SERP1: variants seen among roughly 807,000 people sequenced by gnomAD.
SERP1 encodes the protein stress-associated endoplasmic reticulum protein 1.
Under a neutral mutation model 8.8 loss-of-function variants are expected in SERP1, and 6 were observed. The ratio of observed to expected loss-of-function variants is 0.68; its 90% confidence interval spans 0.37 to 1.35. SERP1 has a LOEUF of 1.35. Ranked by LOEUF, SERP1 falls within the 40% of genes most tolerant of loss-of-function variation. The pLI is 0.02. For synonymous variants in SERP1, 36 were observed against 28.7 expected (o/e 1.25, Z -0.81); for missense variants, 52 against 86.2 (o/e 0.60, Z 1.57).
rs1397253342 is a variant in SERP1, at chr3:150,546,215, C to A, written c.-80G>T. The A allele has an allele frequency of 1.1e-5, 17 of 1,522,058 alleles. No individual in the cohort carries two copies. The highest frequency in any genetic ancestry group is 3.4e-5 in the South Asian group (3 of 89,090). The allele number at this position is 1,522,058 out of a possible 1,614,324, so 94.3% of individuals were successfully genotyped here. ...CCTCCTCTGGAGCCGCTGCGAGGCTCGGCTCGTGGTGCCCGCGCCGCCGGA... is the reference window on the plus strand; with the variant it reads ...CCTCCTCTGGAGCCGCTGCGAGGCTAGGCTCGTGGTGCCCGCGCCGCCGGA... On this transcript the variant is annotated 5_prime_UTR_variant, in exon 1 of 3. Transcript: ENST00000239944.
chr3:150,543,421 GC>G lies in SERP1; in HGVS notation c.*1036del, dbSNP rs1722918950. 6.6e-6 allele frequency: 1 copy of G among 152,554 alleles called. No homozygotes were observed. The highest frequency in any genetic ancestry group is 1.5e-5 in the Non-Finnish European group (1 of 68,004). The allele number at this position is 152,554 out of a possible 1,614,324, so 9.5% of individuals were successfully genotyped here. The stretch of plus-strand genomic sequence containing the variant: ...CATTCAATTCCAGATGCCACTTTAG[GC>G]TGATGTGTCTAGTACCCTAATGATT... On this transcript the variant is annotated 3_prime_UTR_variant, in exon 3 of 3. Coordinates refer to ENST00000239944, the MANE Select transcript of SERP1 (RefSeq NM_014445.4).
At chr3:150,545,997 G>C (rs1048804245) in intron 1 of SERP1, 55 bp downstream of exon 1, 1 of 1,602,596 alleles carries the variant, frequency 6.2e-7, no homozygotes, top group African/African-American at 1.3e-5. Flanking sequence ...CGGCCCCAGG[G>C]ACCCGGACTC....
Position 150,542,130 on chromosome 3 carries a change from T to C in SERP1, c.*2328A>G, listed in dbSNP as rs940658462. The C allele has an allele frequency of 6.6e-6, 1 of 152,228 alleles. No homozygotes were observed. The highest frequency in any genetic ancestry group is 2.4e-5 in the African/African-American group (1 of 41,460). The allele number at this position is 152,228 out of a possible 1,614,324, so 9.4% of individuals were successfully genotyped here. ...TATACAACCCAACAGATACAATTAA[T>C]TGACAACTTGTTGAAATGTTAGAGT... On this transcript the variant is annotated 3_prime_UTR_variant, in exon 3 of 3. Transcript: ENST00000239944.
chr3:150,544,604 T>C, intron 2 of SERP1, 106 bp from the exon 3 acceptor site: 1 of 839,948 alleles, frequency 1.2e-6, no homozygotes, highest in Non-Finnish European at 1.9e-6. Flanking sequence ...TACTCTTACA[T>C]TTGCAAATGG....
rs1387129146 is a variant in SERP1, at chr3:150,543,310, A to G, written c.*1148T>C. The G allele has an allele frequency of 6.6e-6, 1 of 152,526 alleles. No homozygotes were observed. Among genetic ancestry groups the G allele is most frequent in the African/African-American group, 2.4e-5 (1 of 41,434 alleles). 9.4% of individuals were successfully genotyped at this position (152,526 alleles called of 1,614,324 possible). A position where few individuals can be genotyped will look rare whatever the true frequency, so the allele number is the denominator to read the frequency against. ...CTGCCCTATGACCCTCACCCTTACCATTAGTAAAACGTAAATTTGATCAAT... is the reference window on the plus strand; with the variant it reads ...CTGCCCTATGACCCTCACCCTTACCGTTAGTAAAACGTAAATTTGATCAAT... On this transcript the variant is annotated 3_prime_UTR_variant, in exon 3 of 3. Coordinates refer to ENST00000239944, the MANE Select transcript of SERP1 (RefSeq NM_014445.4).
rs992209676 is a variant in SERP1, at chr3:150,542,969, T to G, written c.*1489A>C. ...GGCCCAAGGTCAGTTGATTCATTCC[T>G]TATTCCAGAATAGTTAAGTTCCTGA... On this transcript the variant is annotated 3_prime_UTR_variant, in exon 3 of 3. Transcript: ENST00000239944. The G allele has an allele frequency of 6.6e-6, 1 of 152,572 alleles. No individual in the cohort carries two copies. Among genetic ancestry groups the G allele is most frequent in the Non-Finnish European group, 1.5e-5 (1 of 68,020 alleles). The allele number at this position is 152,572 out of a possible 1,614,324, so 9.5% of individuals were successfully genotyped here. A position where few individuals can be genotyped will look rare whatever the true frequency, so the allele number is the denominator to read the frequency against.
In SERP1 at chr3:150,542,648, A is replaced by ATT. The variant is rs3086794; in HGVS notation, c.*1808_*1809dup. 0.17 allele frequency: 26,657 copies of ATT among 152,488 alleles called. 2,475 individuals carry two copies. The highest frequency in any genetic ancestry group is 0.24 in the African/African-American group (10,035 of 41,504). 9.4% of individuals were successfully genotyped at this position (152,488 alleles called of 1,614,324 possible). On this transcript the variant is annotated 3_prime_UTR_variant, in exon 3 of 3. Transcript: ENST00000239944. ...ACACATGAAATACAAAGGGAATGCA[A>ATT]TTTTACATATGTAAAATGATTGCTA...
At position 150,544,514 on chromosome 3, in the gene SERP1, G is replaced by C; in HGVS notation, c.161-16C>G. 1.2e-6 allele frequency: 2 copies of C among 1,601,830 alleles called. No individual in the cohort carries two copies. The highest frequency in any genetic ancestry group is 1.1e-5 in the South Asian group (1 of 90,498). ...TGGAAAATTGCTGTAAAAAGAAAGA[G>C]CAAATATTAAAATAAGCTTTGAATA... On this transcript the variant is annotated splice_polypyrimidine_tract_variant and intron_variant, in intron 2 of 2. Transcript: ENST00000239944.
intron 1 of SERP1, 38 bp downstream of exon 1, chr3:150,546,014 G>A: frequency 6.2e-7 from 1 of 1,610,502 alleles, no homozygotes; most frequent in South Asian, 1.1e-5. Context: ...ACTCAGCTCC[G>A]GCTGCGGAAC....
chr3:150,544,337 T>C lies in SERP1; in HGVS notation c.*121A>G, dbSNP rs907403388. The C allele has an allele frequency of 1.1e-5, 10 of 914,376 alleles. No individual in the cohort carries two copies. The highest frequency in any genetic ancestry group is 2.4e-5 in the East Asian group (1 of 41,430). 56.6% of individuals were successfully genotyped at this position (914,376 alleles called of 1,614,324 possible). A position where few individuals can be genotyped will look rare whatever the true frequency, so the allele number is the denominator to read the frequency against. ...CCTTGGAATGACACATGAAGCATGA[T>C]AGGAAAGTCATTCTGAGGCAGGATG... On this transcript the variant is annotated 3_prime_UTR_variant, in exon 3 of 3. Coordinates refer to ENST00000239944, the MANE Select transcript of SERP1 (RefSeq NM_014445.4).
Position 150,543,452 on chromosome 3 carries a change from A to G in SERP1, c.*1006T>C, listed in dbSNP as rs540726229. Reference sequence around the variant, plus strand: ...GTGTCTAGTACCCTAATGATTGAAAAATCATTAATCTAGAAAAAGCATTTG... The same window carrying G: ...GTGTCTAGTACCCTAATGATTGAAAGATCATTAATCTAGAAAAAGCATTTG... On this transcript the variant is annotated 3_prime_UTR_variant, in exon 3 of 3. Coordinates refer to ENST00000239944, the MANE Select transcript of SERP1 (RefSeq NM_014445.4). 1 of 152,732 alleles carries G rather than the reference A, an allele frequency of 6.5e-6. No homozygotes were observed. Among genetic ancestry groups the G allele is most frequent in the South Asian group, 2.1e-4 (1 of 4,822 alleles). The allele number at this position is 152,732 out of a possible 1,614,324, so 9.5% of individuals were successfully genotyped here. A position where few individuals can be genotyped will look rare whatever the true frequency, so the allele number is the denominator to read the frequency against.
chr3:150,545,923 C>T, intron 1 of SERP1, 129 bp downstream of exon 1: 1 of 1,389,992 alleles, frequency 7.2e-7, no homozygotes, highest in Non-Finnish European at 9.9e-7. Flanking sequence ...GGTTCGCAGA[C>T]TCGGGCCCCT....
Position 150,544,412 on chromosome 3 carries a change from A to C in SERP1, c.*46T>G. The C allele has an allele frequency of 6.5e-7, 1 of 1,550,254 alleles. No homozygotes were observed. The highest frequency in any genetic ancestry group is 2.2e-5 in the East Asian group (1 of 44,486). ...GGTATCAAACATCAGGAATGAGTTC[A>C]AGTTAAAATTCACAGGAGAATGGAA... On this transcript the variant is annotated 3_prime_UTR_variant, in exon 3 of 3. Transcript: ENST00000239944.
At position 150,542,904 on chromosome 3, in the gene SERP1, G is replaced by A. The variant is rs1722903187; in HGVS notation, c.*1554C>T. 5 of 152,580 alleles carry A rather than the reference G, an allele frequency of 3.3e-5. No homozygotes were observed. The South Asian group carries it at 1.0e-3, about 32-fold the overall frequency. 9.5% of individuals were successfully genotyped at this position (152,580 alleles called of 1,614,324 possible). A position where few individuals can be genotyped will look rare whatever the true frequency, so the allele number is the denominator to read the frequency against. On this transcript the variant is annotated 3_prime_UTR_variant, in exon 3 of 3. Coordinates refer to ENST00000239944, the MANE Select transcript of SERP1 (RefSeq NM_014445.4). ...AAACAAGTACAGAGACTGATTAACT[G>A]GGTGAGAAAGGCAAGTAACAATTTA...
rs1722921195 is a variant in SERP1 at position 150,543,522 on chromosome 3, T to C, written c.*936A>G. 1.3e-5 allele frequency: 2 copies of C among 152,626 alleles called. No homozygotes were observed. Among genetic ancestry groups the C allele is most frequent in the Non-Finnish European group, 2.9e-5 (2 of 68,026 alleles). 9.5% of individuals were successfully genotyped at this position (152,626 alleles called of 1,614,324 possible). A position where few individuals can be genotyped will look rare whatever the true frequency, so the allele number is the denominator to read the frequency against. On this transcript the variant is annotated 3_prime_UTR_variant, in exon 3 of 3. Coordinates refer to ENST00000239944, the MANE Select transcript of SERP1 (RefSeq NM_014445.4). ...CAGTTGATGTGCCTTTTTTTGCTATTAAAAGTGCTATTTAACATGCTAAAA... is the reference window on the plus strand; with the variant it reads ...CAGTTGATGTGCCTTTTTTTGCTATCAAAAGTGCTATTTAACATGCTAAAA...
chr3:150,545,821 C>A, intron 1 of SERP1, 43 bp from the exon 2 acceptor site: 1 of 1,562,762 alleles, frequency 6.4e-7, no homozygotes, highest in Non-Finnish European at 8.7e-7. Context: ...AGAGAAACCA[C>A]TCGGACCCCA....
At position 150,545,456 on chromosome 3, in the gene SERP1, T is replaced by G. The variant is rs528897161; in HGVS notation, c.160+247A>C. On this transcript the variant is annotated intron_variant, in intron 2 of 2. Transcript: ENST00000239944. The stretch of plus-strand genomic sequence containing the variant: ...CTTAACATTTATTCCAACTGGATCA[T>G]TACCAAGACCTGACCTCCTTTTTGA... The G allele has an allele frequency of 4.6e-5, 23 of 504,872 alleles. No individual in the cohort carries two copies. In the South Asian group the frequency reaches 7.4e-4, roughly 16 times the overall value. The allele number at this position is 504,872 out of a possible 1,614,324, so 31.3% of individuals were successfully genotyped here.
rs1722893273 is a variant in SERP1 at position 150,542,368 on chromosome 3, C to T, written c.*2090G>A. 6.6e-6 allele frequency: 1 copy of T among 152,180 alleles called. No individual in the cohort carries two copies. The highest frequency in any genetic ancestry group is 6.5e-5 in the Admixed American group (1 of 15,286). The allele number at this position is 152,180 out of a possible 1,614,324, so 9.4% of individuals were successfully genotyped here. A position where few individuals can be genotyped will look rare whatever the true frequency, so the allele number is the denominator to read the frequency against. Reference sequence around the variant, plus strand: ...GCTTTCTATATATTTTTCTTACCACCTATTTCCAGTTATAAACCTTACATC... The same window carrying T: ...GCTTTCTATATATTTTTCTTACCACTTATTTCCAGTTATAAACCTTACATC... On this transcript the variant is annotated 3_prime_UTR_variant, in exon 3 of 3. Transcript: ENST00000239944.
In SERP1 at chr3:150,543,991, G is replaced by T. The variant is rs1427474104; in HGVS notation, c.*467C>A. 1 of 153,450 alleles carries T rather than the reference G, an allele frequency of 6.5e-6. No individual in the cohort carries two copies. Among genetic ancestry groups the T allele is most frequent in the African/African-American group, 2.4e-5 (1 of 41,462 alleles). 9.5% of individuals were successfully genotyped at this position (153,450 alleles called of 1,614,324 possible). On this transcript the variant is annotated 3_prime_UTR_variant, in exon 3 of 3. Coordinates refer to ENST00000239944, the MANE Select transcript of SERP1 (RefSeq NM_014445.4). Reference sequence around the variant, plus strand: ...GCACCTTATTACAGGACAGTTACATGAACCTATAAGGGAGTGTGCTTTCAG... The same window carrying T: ...GCACCTTATTACAGGACAGTTACATTAACCTATAAGGGAGTGTGCTTTCAG...
Sources: gnomAD v4.1 joint callset for allele counts on GRCh38, gnomAD v4.1.1 for gene constraint, MANE v1.5 for transcripts, NCBI Gene and HGNC (gene_info 2026-07-23, HGNC 2026-07-21) for gene names.